SRGAP3: variants seen among roughly 807,000 people sequenced by gnomAD.
The protein encoded by SRGAP3 is SLIT-ROBO Rho GTPase activating protein 3, also known as SLIT-ROBO Rho GTPase-activating protein 3.
A neutral mutation model predicts 121.1 loss-of-function variants in SRGAP3; 39 were observed. That is an observed-to-expected ratio of 0.32 (90% CI 0.25 to 0.42). The LOEUF is 0.42. Among genes scored for constraint, SRGAP3 ranks in the 10% least tolerant of loss-of-function variants. SRGAP3 has a pLI of 1.00. For missense variants in SRGAP3, 1,213 were observed against 1,470.6 expected, an observed-to-expected ratio of 0.82 and a Z score of 2.86; for synonymous variants, 601 against 570.0, an observed-to-expected ratio of 1.05 and a Z score of -0.77.
At chr3:9,245,419 G>C (rs763319502) in intron 1 of SRGAP3, among the ~76,000 whole-genome samples, 1 of 152,200 alleles carries the variant, frequency 6.6e-6, no homozygotes, top group African/African-American at 2.4e-5. Context: ...CCAGGATGCA[G>C]TAGAGACAGA....
chr3:9,306,069 C>T (rs1955155830), intron 3 of SRGAP3, among the ~76,000 whole-genome samples: 1 of 151,960 alleles, frequency 6.6e-6, no homozygotes, highest in Admixed American at 6.6e-5. Context: ...TCCTCTCCAT[C>T]ATCTGTTGTT....
At chr3:9,338,042 G>A (rs1559283065) in intron 1 of SRGAP3, among the ~76,000 whole-genome samples, 1 of 152,184 alleles carries the variant, frequency 6.6e-6, no homozygotes, top group Non-Finnish European at 1.5e-5. Context: ...ATATGGATTT[G>A]GAATGTGGAA....
At chr3:9,119,852 C>T (rs753302796) in intron 2 of SRGAP3, among the ~76,000 whole-genome samples, 3 of 152,170 alleles carry the variant, frequency 2.0e-5, no homozygotes, top group African/African-American at 4.8e-5. Context: ...ACCAGGCATG[C>T]GAGTAAAGCT....
chr3:8,989,411 G>A (rs528312963), intron 21 of SRGAP3, among the ~76,000 whole-genome samples: 2 of 152,204 alleles, frequency 1.3e-5, no homozygotes, highest in Non-Finnish European at 2.9e-5. Context: ...CTCATTGCTA[G>A]GTGAGCTGTT....
intron 1 of SRGAP3, among the ~76,000 whole-genome samples, chr3:9,190,658 G>C (rs1951726347): frequency 6.6e-6 from 1 of 152,136 alleles, no homozygotes; most frequent in African/African-American, 2.4e-5. Flanking sequence ...TGTTTCATTA[G>C]GTTTTAGTCG....
At chr3:9,028,056 T>C in intron 12 of SRGAP3, 6 of 1,612,952 alleles carry the variant, frequency 3.7e-6, no homozygotes, top group Non-Finnish European at 5.1e-6. Context: ...TAAAGACAGT[T>C]TCCATCACGG....
intron 2 of SRGAP3, among the ~76,000 whole-genome samples, chr3:9,328,247 T>C (rs1166038126): frequency 1.3e-5 from 2 of 152,232 alleles, no homozygotes; most frequent in Admixed American, 6.5e-5. Context: ...ATTAGAGCTC[T>C]TTTATATAAA....
At chr3:9,334,026 C>A (rs993061090) in intron 1 of SRGAP3, among the ~76,000 whole-genome samples, 2 of 151,822 alleles carry the variant, frequency 1.3e-5, no homozygotes, top group Admixed American at 6.6e-5. Context: ...GGATACTGAG[C>A]CTCTGTTTCC....
chr3:9,000,295 T>C (rs957097376), intron 18 of SRGAP3, among the ~76,000 whole-genome samples: 3 of 152,152 alleles, frequency 2.0e-5, no homozygotes, highest in East Asian at 1.9e-4. Context: ...CCACTGAAAA[T>C]GTGGGGGTTC....
chr3:9,285,766 CT>C (rs1455209987), intron 3 of SRGAP3, among the ~76,000 whole-genome samples: 10 of 113,850 alleles, frequency 8.8e-5, no homozygotes, highest in Non-Finnish European at 1.7e-4. Flanking sequence ...GACGCCCCAC[CT>C]CAAAAAAAAA....
At chr3:9,009,399 T>C (rs1437128017) in intron 18 of SRGAP3, among the ~76,000 whole-genome samples, 1 of 152,110 alleles carries the variant, frequency 6.6e-6, no homozygotes, top group Non-Finnish European at 1.5e-5. Flanking sequence ...CTTTCAAGGG[T>C]CCTAGGCCCT....
chr3:9,202,846 C>A (rs1213509152), intron 1 of SRGAP3, among the ~76,000 whole-genome samples: 1 of 152,266 alleles, frequency 6.6e-6, no homozygotes, highest in Non-Finnish European at 1.5e-5. Flanking sequence ...CCCAGCGGAG[C>A]CCCTCTCCAG....
In SRGAP3 at chr3:9,249,166, G is replaced by A; in HGVS notation, c.-215C>T. On this transcript the variant is annotated 5_prime_UTR_variant, in exon 1 of 22. Coordinates refer to ENST00000383836, the MANE Select transcript of SRGAP3 (RefSeq NM_014850.4). ...TGCCGAGAAATGGCTCTAGTAGCTT[G>A]CCCTGGTCAGCTCCTCTTGCAAAAG... 1 of 605,656 alleles carries A rather than the reference G, an allele frequency of 1.7e-6. No homozygotes were observed. Among genetic ancestry groups the A allele is most frequent in the East Asian group, 2.8e-5 (1 of 35,764 alleles). 37.5% of individuals were successfully genotyped at this position (605,656 alleles called of 1,614,324 possible).
chr3:9,226,290 G>A (rs1166868100), intron 1 of SRGAP3, among the ~76,000 whole-genome samples: 2 of 152,162 alleles, frequency 1.3e-5, no homozygotes, highest in African/African-American at 4.8e-5. Context: ...CTTTTGTTAT[G>A]GAAATTATTT....
At chr3:9,029,974 C>T (rs557101600) in intron 12 of SRGAP3, among the ~76,000 whole-genome samples, 1 of 103,852 alleles carries the variant, frequency 9.6e-6, no homozygotes, top group Non-Finnish European at 1.9e-5. Flanking sequence ...GATCCTGTCT[C>T]TACAAAAAAA....
At chr3:9,028,093 T>A (rs201377588) in intron 12 of SRGAP3, 1 of 1,614,114 alleles carries the variant, frequency 6.2e-7, no homozygotes, top group East Asian at 2.2e-5. Flanking sequence ...GCCTTTCTAG[T>A]AAATACCTGG....
chr3:9,278,129 T>C (rs1442633618), intron 3 of SRGAP3, among the ~76,000 whole-genome samples: 1 of 152,222 alleles, frequency 6.6e-6, no homozygotes, highest in Non-Finnish European at 1.5e-5. Flanking sequence ...GTTTATGGTA[T>C]TTTCTTATAG....
At chr3:9,196,207 G>C (rs1951911205) in intron 1 of SRGAP3, among the ~76,000 whole-genome samples, 1 of 152,230 alleles carries the variant, frequency 6.6e-6, no homozygotes, top group Non-Finnish European at 1.5e-5. Context: ...CTGCCCAGCG[G>C]GGCGGGGTTT....
chr3:9,059,052 A>C (rs1945990021), intron 6 of SRGAP3: 1 of 154,882 alleles, frequency 6.5e-6, no homozygotes, highest in African/African-American at 2.4e-5. Flanking sequence ...CTCTGCCTGG[A>C]ATACCCTTCT....
Sources: allele counts gnomAD v4.1 joint callset (sites outside exome capture counted in the v4.1 genomes callset), GRCh38; gene constraint gnomAD v4.1.1; transcripts MANE v1.5; gene names NCBI Gene and HGNC (gene_info 2026-07-23, HGNC 2026-07-21).